Variants in KDELR1 observed in about 807,000 individuals in gnomAD.
KDELR1 encodes KDEL endoplasmic reticulum protein retention receptor 1.
Under a neutral mutation model 25.5 loss-of-function variants are expected in KDELR1, and 16 were observed. The observed-to-expected ratio is 0.63, with a 90% CI of 0.43 to 0.95. The LOEUF (loss-of-function observed/expected upper bound fraction) is 0.95. KDELR1 is among the 40% of genes least tolerant of loss of function. The pLI, the probability that KDELR1 is intolerant of heterozygous loss-of-function variation, is 0.00. For missense variants in KDELR1, 159 were observed against 265.2 expected (o/e 0.60, Z 2.78); for synonymous variants, 121 against 115.0 (o/e 1.05, Z -0.33).
At chr19:48,389,772 G>C (rs1238885098) in intron 2 of KDELR1, 61 bp from the exon 3 acceptor site, 1 of 1,585,094 alleles carries the variant, frequency 6.3e-7, no homozygotes. Context: ...AGTAGGCTCA[G>C]AGCCCGGAGT....
intron 3 of KDELR1, among the ~76,000 whole-genome samples, chr19:48,385,806 C>T (rs1244487369): frequency 1.3e-5 from 2 of 152,212 alleles, no homozygotes; most frequent in Admixed American, 1.3e-4. Context: ...GGCATCGCTC[C>T]TTAGGGTGTT....
At chr19:48,392,118 G>A (rs925192469), upstream of KDELR1, among the ~76,000 whole-genome samples, 1 of 64,672 alleles carries the variant, frequency 1.5e-5, no homozygotes, top group Non-Finnish European at 3.0e-5. Flanking sequence ...GCTCCTCCTC[G>A]CTCAGACCCA....
rs143355996 is a variant in KDELR1, at chr19:48,388,520, T to C, written c.351+1033A>G. ...GGCCAATATGTTGAAACCCTGTCTC[T>C]ACTAAAAATACAAAAAATAACCTGG... On this transcript the variant is annotated intron_variant, in intron 3 of 4. Coordinates refer to ENST00000330720, the MANE Select transcript of KDELR1 (RefSeq NM_006801.3). Among the ~76,000 whole-genome samples the C allele has an allele frequency of 1.7e-3, 254 of 152,032 alleles. 1 individual carries two copies. Among genetic ancestry groups the C allele is most frequent in the African/African-American group, 5.5e-3 (230 of 41,482 alleles).
At chr19:48,388,911 GGAAA>G (rs4011556) in intron 3 of KDELR1, among the ~76,000 whole-genome samples, 3 of 118,852 alleles carry the variant, frequency 2.5e-5, no homozygotes, top group Non-Finnish European at 5.4e-5. Context: ...AAGGAAGAAA[GGAAA>G]GAAAGAAAGA....
At chr19:48,393,616 G>A (rs772172747), upstream of KDELR1, among the ~76,000 whole-genome samples, 22 of 152,168 alleles carry the variant, frequency 1.4e-4, no homozygotes, top group Admixed American at 1.1e-3. The surrounding 1 kb of genome is among the most constrained non-coding windows in gnomAD (Gnocchi z 5.6). Context: ...AGGCCAGGAG[G>A]GGGGGCTGTG....
At chr19:48,389,408 C>G in intron 3 of KDELR1, 145 bp downstream of exon 3, 1 of 854,790 alleles carries the variant, frequency 1.2e-6, no homozygotes, top group Non-Finnish European at 1.9e-6. Context: ...TCCTCTGACC[C>G]CAGAGCCCAT....
chr19:48,391,052 G>T (rs190017024), intron 1 of KDELR1, among the ~76,000 whole-genome samples: 7 of 152,130 alleles, frequency 4.6e-5, no homozygotes, highest in Admixed American at 3.9e-4. Flanking sequence ...CTGAATTGGG[G>T]GCCTAAAGCC....
chr19:48,390,662 G>T (rs1970540824), intron 1 of KDELR1, 138 bp from the exon 2 acceptor site: 1 of 628,358 alleles, frequency 1.6e-6, no homozygotes, highest in Non-Finnish European at 2.8e-6. Context: ...AGGGCGCCCG[G>T]GACCAGCCTG....
intron 1 of KDELR1, chr19:48,390,748 A>C (rs1000743486): frequency 1.1e-4 from 59 of 519,240 alleles, no homozygotes; most frequent in Non-Finnish European, 2.0e-4. Flanking sequence ...TTTCCCACGG[A>C]CCACAGCCAG....
Position 48,390,577 on chromosome 19 carries a change from GAGACAGAC to G in KDELR1, c.92-61_92-54del, listed in dbSNP as rs1555890423. Reference sequence around the variant, plus strand: ...AGAGAGAGAGACAGAGAGAGAGAGAGAGACAGACAGACAGACAGACAGACAGAAGGAGA... The same window carrying G: ...AGAGAGAGAGACAGAGAGAGAGAGAGAGACAGACAGACAGACAGAAGGAGA... On this transcript the variant is annotated intron_variant, in intron 1 of 4. Coordinates refer to ENST00000330720, the MANE Select transcript of KDELR1 (RefSeq NM_006801.3). The G allele has an allele frequency of 1.9e-4, 188 of 980,356 alleles. 1 individual carries two copies. The African/African-American group carries it at 2.5e-3, about 13-fold the overall frequency. 60.7% of individuals were successfully genotyped at this position (980,356 alleles called of 1,614,324 possible).
At chr19:48,387,331 C>T (rs192972853) in intron 3 of KDELR1, among the ~76,000 whole-genome samples, 42 of 152,194 alleles carry the variant, frequency 2.8e-4, no homozygotes, top group Non-Finnish European at 5.3e-4. Context: ...ATATCTCTGA[C>T]CCATGGGCCA....
At position 48,389,568 on chromosome 19, in the gene KDELR1, G is replaced by A. The variant is rs1473031721; in HGVS notation, c.336C>T (p.Asp112=). The change falls in exon 3 of 5, where the codon GAC becomes GAT. Residue 112 remains aspartate, a synonymous_variant. Transcript: ENST00000330720. ...TAILAFLVNH[D]FTPLEILWTF... is the part of the protein sequence containing the mutation. Reference sequence around the variant, plus strand: ...AGGCGCCTACCTCCAGAGGGGTGAAGTCATGATTGACCAGGAACGCCAGAA... The same window carrying A: ...AGGCGCCTACCTCCAGAGGGGTGAAATCATGATTGACCAGGAACGCCAGAA... 6.2e-7 allele frequency: 1 copy of A among 1,614,014 alleles called. No homozygotes were observed. The highest frequency in any genetic ancestry group is 1.3e-5 in the African/African-American group (1 of 74,930).
chr19:48,383,671 AATTTTTTT>A (rs1267960038), intron 4 of KDELR1, among the ~76,000 whole-genome samples: 2 of 151,944 alleles, frequency 1.3e-5, no homozygotes, highest in Non-Finnish European at 2.9e-5. Flanking sequence ...ATGCCCAGCT[AATTTTTTT>A]ATTTTTTTAT....
chr19:48,391,677 C>T (rs1213576594), upstream of KDELR1: 2 of 398,788 alleles, frequency 5.0e-6, no homozygotes, highest in Non-Finnish European at 9.4e-6. Flanking sequence ...AACGCACCCC[C>T]AAAGCTGCCC....
At chr19:48,389,146 T>G (rs1016777311) in intron 3 of KDELR1, among the ~76,000 whole-genome samples, 1 of 152,120 alleles carries the variant, frequency 6.6e-6, no homozygotes, top group Non-Finnish European at 1.5e-5. Flanking sequence ...GATGTGCACC[T>G]GTCTTCCCAA....
At chr19:48,387,899 G>C (rs1970509026) in intron 3 of KDELR1, 1 of 152,208 alleles carries the variant, frequency 6.6e-6, no homozygotes, top group African/African-American at 2.4e-5. Context: ...GGAGGCAAGA[G>C]ATCGCAAACT....
At chr19:48,394,792 TGCC>T, upstream of KDELR1, 1 of 155,772 alleles carries the variant, frequency 6.4e-6, no homozygotes, top group Middle Eastern at 2.9e-3. The surrounding 1 kb of genome is among the most constrained non-coding windows in gnomAD (Gnocchi z 5.1). Context: ...CTGCCGCTGC[TGCC>T]GCCACCACCA....
At chr19:48,394,591 C>T (rs966146520), upstream of KDELR1, among the ~76,000 whole-genome samples, 7 of 151,986 alleles carry the variant, frequency 4.6e-5, no homozygotes, top group East Asian at 7.8e-4. This position sits in a 1 kb window ranked among gnomAD's most constrained non-coding sequence, Gnocchi z 5.1. Flanking sequence ...AGGGGGGATC[C>T]CCACGGGGTC....
Position 48,391,429 on chromosome 19 carries a change from G to T in KDELR1, c.-71C>A. 8.3e-7 allele frequency: 1 copy of T among 1,205,192 alleles called. No homozygotes were observed. The allele number at this position is 1,205,192 out of a possible 1,614,324, so 74.7% of individuals were successfully genotyped here. On this transcript the variant is annotated 5_prime_UTR_variant, in exon 1 of 5. Coordinates refer to ENST00000330720, the MANE Select transcript of KDELR1 (RefSeq NM_006801.3). ...CGGGGGGGTGCCCCCCGAGGCTGCT[G>T]GTCTGAACGGGTAGCTGGGCTGGGG...
Sources: allele counts gnomAD v4.1 joint callset (sites outside exome capture counted in the v4.1 genomes callset), GRCh38; gene constraint gnomAD v4.1.1; non-coding constraint Gnocchi (gnomAD v3.1); transcripts MANE v1.5; gene names NCBI Gene and HGNC (gene_info 2026-07-23, HGNC 2026-07-21).